WWC2: variants seen among roughly 807,000 people sequenced by gnomAD.
WWC2 encodes the protein WW and C2 domain containing 2.
A neutral mutation model predicts 138.5 loss-of-function variants in WWC2; 101 were observed. The observed-to-expected ratio is 0.73, with a 90% confidence interval of 0.62 to 0.86. WWC2 has a LOEUF of 0.86. Ranked by LOEUF, WWC2 falls within the 40% of genes least tolerant of loss-of-function variation. The pLI is 0.00. For synonymous variants in WWC2, 558 were observed against 538.4 expected (o/e 1.04, Z -0.50); for missense variants, 1,420 against 1,419.4 (o/e 1.00, Z -0.01).
intron 2 of WWC2, among the ~76,000 whole-genome samples, chr4:183,201,358 C>T (rs1735294020): frequency 6.6e-6 from 1 of 152,134 alleles, no homozygotes; most frequent in Non-Finnish European, 1.5e-5. Context: ...GTTTAAAATA[C>T]TACTTTAGAG....
intron 22 of WWC2, 58 bp downstream of exon 22, chr4:183,312,526 G>A (rs1450188853): frequency 1.3e-5 from 21 of 1,605,308 alleles, no homozygotes; most frequent in Non-Finnish European, 1.6e-5. Flanking sequence ...TGATTGTGTA[G>A]GAATTCACCT....
At chr4:183,148,490 T>C (rs772087009) in intron 1 of WWC2, among the ~76,000 whole-genome samples, 2 of 152,226 alleles carry the variant, frequency 1.3e-5, no homozygotes, top group Non-Finnish European at 2.9e-5. Context: ...TCTTAATGTT[T>C]ACTGAATTCT....
At chr4:183,126,370 T>C (rs562225053) in intron 1 of WWC2, among the ~76,000 whole-genome samples, 54 of 152,352 alleles carry the variant, frequency 3.5e-4, no homozygotes, top group African/African-American at 1.2e-3. Context: ...GATCCTGTTA[T>C]GCCAGAGAAG....
At chr4:183,201,269 CA>C (rs1735288822) in intron 2 of WWC2, among the ~76,000 whole-genome samples, 1 of 12,272 alleles carries the variant, frequency 8.1e-5, no homozygotes, top group Non-Finnish European at 1.3e-3. Flanking sequence ...CTCTAGCATA[CA>C]GTTTGTTTGT....
intron 1 of WWC2, among the ~76,000 whole-genome samples, chr4:183,110,270 T>G (rs187318233): frequency 9.1e-4 from 139 of 152,316 alleles, no homozygotes; most frequent in East Asian, 1.4e-3. Flanking sequence ...GTTGGAAGTA[T>G]ATAGTATTAT....
intron 4 of WWC2, among the ~76,000 whole-genome samples, chr4:183,229,466 CAAAT>C (rs1234185559): frequency 6.6e-6 from 1 of 151,852 alleles, no homozygotes; most frequent in East Asian, 1.9e-4. Context: ...TATCTCCTGA[CAAAT>C]AGAGTATGGA....
intron 15 of WWC2, among the ~76,000 whole-genome samples, chr4:183,270,418 T>C (rs1416677317): frequency 6.6e-6 from 1 of 152,184 alleles, no homozygotes; most frequent in African/African-American, 2.4e-5. Context: ...TATTTTTTTT[T>C]CAGTGGATAA....
At chr4:183,176,611 T>TG (rs1560826946) in intron 1 of WWC2, among the ~76,000 whole-genome samples, 1 of 151,990 alleles carries the variant, frequency 6.6e-6, no homozygotes, top group Admixed American at 6.6e-5. Flanking sequence ...TTAGTAGAGA[T>TG]GGGGTTTCAC....
intron 1 of WWC2, among the ~76,000 whole-genome samples, chr4:183,160,768 G>T (rs900584878): frequency 1.3e-5 from 2 of 152,160 alleles, no homozygotes; most frequent in African/African-American, 4.8e-5. Context: ...AATCTGTTAG[G>T]TGAAGCTGTA....
chr4:183,240,455 GA>G (rs1237686486), intron 5 of WWC2, 193 bp downstream of exon 5: 5 of 462,658 alleles, frequency 1.1e-5, no homozygotes, highest in African/African-American at 1.0e-4. Context: ...CTATGCACTT[GA>G]AAAGATCCAA....
intron 1 of WWC2, among the ~76,000 whole-genome samples, chr4:183,131,559 G>C (rs7670933): frequency 0.053 from 8,103 of 152,116 alleles, 321 homozygotes; most frequent in African/African-American, 0.11. Flanking sequence ...TTTATTGATT[G>C]TTACAAGTTC....
chr4:183,223,884 C>T (rs574093169), intron 4 of WWC2, among the ~76,000 whole-genome samples: 1 of 152,180 alleles, frequency 6.6e-6, no homozygotes, highest in Non-Finnish European at 1.5e-5. Context: ...GCACCTGCCA[C>T]CATGCCCAGC....
chr4:183,107,590 C>G (rs990258281), intron 1 of WWC2, among the ~76,000 whole-genome samples: 1 of 152,156 alleles, frequency 6.6e-6, no homozygotes, highest in Non-Finnish European at 1.5e-5. Flanking sequence ...CCTTTTATAG[C>G]TGTTGCTATT....
chr4:183,225,212 T>C lies in WWC2; in HGVS notation c.523-14971T>C, dbSNP rs894167560. Among the ~76,000 whole-genome samples the C allele has an allele frequency of 2.2e-4, 34 of 152,360 alleles. 1 individual carries two copies. The highest frequency in any genetic ancestry group is 3.4e-3 in the Middle Eastern group (1 of 294). On this transcript the variant is annotated intron_variant, in intron 4 of 22. Coordinates refer to ENST00000403733, the MANE Select transcript of WWC2 (RefSeq NM_024949.6). ...AATTGAACTTGTGTGTAAGTTCTTA[T>C]CTTACTGTATTTAAAATACATACAT...
At chr4:183,284,956 T>A (rs1426198843) in intron 19 of WWC2, among the ~76,000 whole-genome samples, 14 of 152,196 alleles carry the variant, frequency 9.2e-5, no homozygotes, top group Admixed American at 9.2e-4. Flanking sequence ...ATAAACTGGG[T>A]TAGAAATACT....
At position 183,180,807 on chromosome 4, in the gene WWC2, G is replaced by A. The variant is rs1433709476; in HGVS notation, c.132-12792G>A. Among the ~76,000 whole-genome samples, 8 of 151,054 alleles carry A rather than the reference G, an allele frequency of 5.3e-5. No individual in the cohort carries two copies. The South Asian group carries it at 8.5e-4, about 16-fold the overall frequency. On this transcript the variant is annotated intron_variant, in intron 1 of 22. Transcript: ENST00000403733. The stretch of plus-strand genomic sequence containing the variant: ...AAATCTGTAGGGACAGGAAGTAGAT[G>A]AGTGGCTGCCTGGGGCGGGGGCGGG...
intron 21 of WWC2, among the ~76,000 whole-genome samples, chr4:183,300,945 T>C (rs943851567): frequency 2.6e-5 from 4 of 152,214 alleles, no homozygotes; most frequent in Non-Finnish European, 5.9e-5. Flanking sequence ...TGCGAGCCTG[T>C]CTTATTTCCT....
At chr4:183,279,444 T>G (rs1481591782) in intron 16 of WWC2, among the ~76,000 whole-genome samples, 1 of 152,148 alleles carries the variant, frequency 6.6e-6, no homozygotes. Context: ...TCTCTTTTTT[T>G]GTTGTGTCTC....
chr4:183,250,036 C>G (rs762943031), intron 8 of WWC2, 43 bp downstream of exon 8: 1 of 1,542,224 alleles, frequency 6.5e-7, no homozygotes, highest in Non-Finnish European at 8.9e-7. Context: ...CAAACATTTT[C>G]TTTTCCAGAA....
Sources: gnomAD v4.1 joint callset for allele counts (sites outside exome capture counted in the v4.1 genomes callset) on GRCh38, gnomAD v4.1.1 for gene constraint, MANE v1.5 for transcripts, NCBI Gene and HGNC (gene_info 2026-07-23, HGNC 2026-07-21) for gene names.